Variants in CTNND2 observed in about 807,000 individuals in gnomAD.
CTNND2 encodes catenin delta 2, also known as catenin delta-2.
CTNND2 carries 22 observed loss-of-function variants against 144.4 expected under a neutral mutation model. That is an observed-to-expected ratio of 0.15 (90% confidence interval 0.11 to 0.22). The LOEUF (loss-of-function observed/expected upper bound fraction) is 0.22. Among genes scored for constraint, CTNND2 ranks in the 10% least tolerant of loss-of-function variants. The probability of loss-of-function intolerance (pLI) is 1.00; values close to 1 mark genes in which losing one functional copy is unlikely to be tolerated. For missense variants in CTNND2, 1,353 were observed against 1,618.8 expected (o/e 0.84, Z 2.82); for synonymous variants, 751 against 695.6 (o/e 1.08, Z -1.25).
At chr5:11,233,244 C>T (rs1451254872) in intron 10 of CTNND2, among the ~76,000 whole-genome samples, 1 of 152,044 alleles carries the variant, frequency 6.6e-6, no homozygotes, top group Non-Finnish European at 1.5e-5. Context: ...TATCTGCTGA[C>T]TTACGGAAGC....
intron 18 of CTNND2, among the ~76,000 whole-genome samples, chr5:11,007,485 G>A (rs553449570): frequency 3.9e-5 from 6 of 152,304 alleles, no homozygotes; most frequent in Admixed American, 2.0e-4. Context: ...GTTATGACAG[G>A]ACACGTGGCA....
chr5:11,068,118 T>C lies in CTNND2; in HGVS notation c.2788+14578A>G, dbSNP rs531288286. On this transcript the variant is annotated intron_variant, in intron 16 of 21. Transcript: ENST00000304623. Reference sequence around the variant, plus strand: ...GGGATATCTCAGAGGAAAAATACTCTTAAGTTTAAACTTTAATAATTATAA... The same window carrying C: ...GGGATATCTCAGAGGAAAAATACTCCTAAGTTTAAACTTTAATAATTATAA... Among the ~76,000 whole-genome samples the C allele has an allele frequency of 1.1e-4, 17 of 152,356 alleles. No homozygotes were observed. The Middle Eastern group carries it at 0.01, about 91-fold the overall frequency.
intron 3 of CTNND2, among the ~76,000 whole-genome samples, chr5:11,526,277 GT>G (rs1773239773): frequency 6.6e-6 from 1 of 152,134 alleles, no homozygotes; most frequent in South Asian, 2.1e-4. Context: ...TATTAGAAGC[GT>G]TTTGGTCTTC....
intron 19 of CTNND2, among the ~76,000 whole-genome samples, chr5:10,992,305 T>C (rs1738771031): frequency 6.6e-6 from 1 of 152,228 alleles, no homozygotes; most frequent in African/African-American, 2.4e-5. Context: ...TCGTTCCTCC[T>C]GAATTCAGGT....
At chr5:11,082,371 T>C (rs1440529737) in intron 16 of CTNND2, among the ~76,000 whole-genome samples, 1 of 152,186 alleles carries the variant, frequency 6.6e-6, no homozygotes, top group Non-Finnish European at 1.5e-5. Context: ...CTATCAGAAT[T>C]CCTCAGTTCA....
intron 3 of CTNND2, among the ~76,000 whole-genome samples, chr5:11,459,519 C>T (rs1432885294): frequency 6.6e-6 from 1 of 152,162 alleles, no homozygotes; most frequent in Non-Finnish European, 1.5e-5. Flanking sequence ...AGAACAAAAG[C>T]ACCATGTATG....
At chr5:11,496,347 G>C (rs1769938004) in intron 3 of CTNND2, among the ~76,000 whole-genome samples, 1 of 152,180 alleles carries the variant, frequency 6.6e-6, no homozygotes, top group African/African-American at 2.4e-5. Flanking sequence ...CTACCATTCA[G>C]AACTGTCACA....
chr5:11,860,283 G>A (rs4257769), intron 1 of CTNND2, among the ~76,000 whole-genome samples: 100,014 of 152,094 alleles, frequency 0.66, 33,395 homozygotes, highest in East Asian at 0.82. Context: ...TCAACCACTG[G>A]ACAATTCTGT....
intron 3 of CTNND2, among the ~76,000 whole-genome samples, chr5:11,499,595 G>C (rs1277807213): frequency 6.6e-6 from 1 of 152,194 alleles, no homozygotes; most frequent in Non-Finnish European, 1.5e-5. Context: ...TTTCATTCAT[G>C]AACCCTGCAG....
intron 3 of CTNND2, among the ~76,000 whole-genome samples, chr5:11,476,139 G>A (rs1421820539): frequency 6.6e-6 from 1 of 151,368 alleles, no homozygotes; most frequent in Non-Finnish European, 1.5e-5. Context: ...CCAAAGTGCT[G>A]GGATTACAGG....
chr5:11,761,013 A>G (rs1396382272), intron 1 of CTNND2, among the ~76,000 whole-genome samples: 2 of 152,188 alleles, frequency 1.3e-5, no homozygotes, highest in African/African-American at 4.8e-5. Flanking sequence ...GGAATCATTT[A>G]CTTGCTGGAT....
At chr5:11,871,593 A>G (rs1352621048) in intron 1 of CTNND2, among the ~76,000 whole-genome samples, 1 of 152,240 alleles carries the variant, frequency 6.6e-6, no homozygotes, top group Non-Finnish European at 1.5e-5. Context: ...AAGATAATAA[A>G]ATCTTTAGGA....
At chr5:10,991,180 G>C (rs984583664) in intron 19 of CTNND2, among the ~76,000 whole-genome samples, 1 of 152,156 alleles carries the variant, frequency 6.6e-6, no homozygotes, top group African/African-American at 2.4e-5. Flanking sequence ...AGCTGGGAGC[G>C]GGCCATTTAT....
chr5:11,613,033 A>C (rs1197429161), intron 2 of CTNND2, among the ~76,000 whole-genome samples: 2 of 152,218 alleles, frequency 1.3e-5, no homozygotes, highest in East Asian at 3.8e-4. Context: ...AGTGGTATTT[A>C]TTTCTTGAGT....
chr5:11,339,405 A>C (rs1379951224), intron 9 of CTNND2, among the ~76,000 whole-genome samples: 1 of 152,022 alleles, frequency 6.6e-6, no homozygotes, highest in Non-Finnish European at 1.5e-5. Flanking sequence ...CCGCGGGAGG[A>C]GGTGAGGGCT....
chr5:11,461,861 A>G (rs1392301344), intron 3 of CTNND2, among the ~76,000 whole-genome samples: 3 of 152,162 alleles, frequency 2.0e-5, no homozygotes, highest in Non-Finnish European at 4.4e-5. Context: ...CATCTAGGTA[A>G]ATTCTGGGTA....
chr5:11,785,971 G>T (rs1349234304), intron 1 of CTNND2, among the ~76,000 whole-genome samples: 6 of 152,220 alleles, frequency 3.9e-5, no homozygotes, highest in Admixed American at 3.9e-4. Context: ...ATGGAGGGGG[G>T]TCACACTGCT....
At chr5:11,120,830 CTG>C (rs1296304894) in intron 12 of CTNND2, among the ~76,000 whole-genome samples, 1 of 152,070 alleles carries the variant, frequency 6.6e-6, no homozygotes, top group African/African-American at 2.4e-5. Flanking sequence ...TTTATATAAA[CTG>C]TCTCTTTTCA....
At chr5:11,900,827 T>C (rs1261937253) in intron 1 of CTNND2, among the ~76,000 whole-genome samples, 2 of 152,196 alleles carry the variant, frequency 1.3e-5, no homozygotes, top group Non-Finnish European at 2.9e-5. Context: ...TAGCAGTCCA[T>C]GCTTAGTTTT....
Sources: allele counts gnomAD v4.1 joint callset (sites outside exome capture counted in the v4.1 genomes callset), GRCh38; gene constraint gnomAD v4.1.1; transcripts MANE v1.5; gene names NCBI Gene and HGNC (gene_info 2026-07-23, HGNC 2026-07-21).